EFNA2: variants seen among roughly 807,000 people sequenced by gnomAD.
EFNA2 encodes the protein ephrin-A2.
A neutral mutation model predicts 19.7 loss-of-function variants in EFNA2; 18 were observed. The observed-to-expected ratio is 0.91, with a 90% CI of 0.63 to 1.35. EFNA2 has a LOEUF of 1.35. Among genes scored for constraint, EFNA2 ranks in the 40% most tolerant of loss-of-function variants. The pLI is 0.00. For missense variants in EFNA2, 303 were observed against 296.0 expected (o/e 1.02, Z -0.17); for synonymous variants, 187 against 137.8 (o/e 1.36, Z -2.50).
chr19:1,288,337 G>T (rs2081475628), intron 1 of EFNA2, among the ~76,000 whole-genome samples: 1 of 152,214 alleles, frequency 6.6e-6, no homozygotes, highest in African/African-American at 2.4e-5. Flanking sequence ...GGCACAGCAG[G>T]GGGTGGTGCT....
At position 1,295,948 on chromosome 19, in the gene EFNA2, G is replaced by C; in HGVS notation, c.454+90G>C. On this transcript the variant is annotated intron_variant, in intron 2 of 3. Coordinates refer to ENST00000215368, the MANE Select transcript of EFNA2 (RefSeq NM_001405.4). This position sits in a 1 kb window ranked among gnomAD's most constrained non-coding sequence, Gnocchi z 5.8. ...AAGTGGGCGGGACCACTGGGGTGGG[G>C]CCGGGGAGTGGGCGGGGCAGCGCAG... The C allele has an allele frequency of 4.1e-6, 5 of 1,215,226 alleles. No homozygotes were observed. Among genetic ancestry groups the C allele is most frequent in the Non-Finnish European group, 5.5e-6 (5 of 913,116 alleles). The allele number at this position is 1,215,226 out of a possible 1,614,324, so 75.3% of individuals were successfully genotyped here.
chr19:1,289,332 G>A (rs2081480920), intron 1 of EFNA2, among the ~76,000 whole-genome samples: 4 of 152,300 alleles, frequency 2.6e-5, no homozygotes, highest in Middle Eastern at 3.4e-3. Context: ...TTGTCTGTGC[G>A]TGGAGTGCAG....
At chr19:1,293,365 G>A (rs2081500090) in intron 1 of EFNA2, among the ~76,000 whole-genome samples, 1 of 152,254 alleles carries the variant, frequency 6.6e-6, no homozygotes, top group South Asian at 2.1e-4. Context: ...GCCGGCCAAT[G>A]GGGCAGCCTG....
At chr19:1,299,337 C>A (rs991222173) in intron 3 of EFNA2, among the ~76,000 whole-genome samples, 2 of 152,112 alleles carry the variant, frequency 1.3e-5, no homozygotes, top group South Asian at 4.1e-4. Context: ...GGTGGGTGGA[C>A]CCCAAGGTCA....
In EFNA2 at chr19:1,287,752, G is replaced by A. The variant is rs571192215; in HGVS notation, c.140+1444G>A. ...ACATGTGGGTTTGATTAAGGCTGTCGCTGGCCGTGCGGGGAGTCCAGCGGG... is the reference window on the plus strand; with the variant it reads ...ACATGTGGGTTTGATTAAGGCTGTCACTGGCCGTGCGGGGAGTCCAGCGGG... On this transcript the variant is annotated intron_variant, in intron 1 of 3. Coordinates refer to ENST00000215368, the MANE Select transcript of EFNA2 (RefSeq NM_001405.4). This position sits in a 1 kb window ranked among gnomAD's most constrained non-coding sequence, Gnocchi z 6.2. Among the ~76,000 whole-genome samples the A allele has an allele frequency of 4.6e-5, 7 of 152,252 alleles. No individual in the cohort carries two copies. Among genetic ancestry groups the A allele is most frequent in the Admixed American group, 6.5e-5 (1 of 15,294 alleles).
Position 1,294,429 on chromosome 19 carries a change from C to T in EFNA2, c.141-1116C>T, listed in dbSNP as rs2081504930. Among the ~76,000 whole-genome samples, 1 of 152,106 alleles carries T rather than the reference C, an allele frequency of 6.6e-6. No homozygotes were observed. The highest frequency in any genetic ancestry group is 2.1e-4 in the South Asian group (1 of 4,820). ...GGGCCTGTGGGTTGCGTCTGGGGGA[C>T]CTCAGGGCAAAGGCCTGGAGGCAGG... On this transcript the variant is annotated intron_variant, in intron 1 of 3. Coordinates refer to ENST00000215368, the MANE Select transcript of EFNA2 (RefSeq NM_001405.4). The surrounding 1 kb of genome is among the most constrained non-coding windows in gnomAD (Gnocchi z 5.8).
At chr19:1,284,245 C>T (rs1299900319), upstream of EFNA2, among the ~76,000 whole-genome samples, 1 of 152,238 alleles carries the variant, frequency 6.6e-6, no homozygotes, top group African/African-American at 2.4e-5. This position sits in a 1 kb window ranked among gnomAD's most constrained non-coding sequence, Gnocchi z 5.3. Context: ...CCAAGGCCCT[C>T]ACTCCAGGGG....
intron 1 of EFNA2, among the ~76,000 whole-genome samples, chr19:1,290,378 G>A (rs914539397): frequency 4.6e-5 from 7 of 152,312 alleles, no homozygotes; most frequent in Admixed American, 2.0e-4. Flanking sequence ...CTCCCTGGGC[G>A]GCCTCAGTTT....
At chr19:1,293,552 G>A (rs775221720) in intron 1 of EFNA2, among the ~76,000 whole-genome samples, 1 of 152,320 alleles carries the variant, frequency 6.6e-6, no homozygotes, top group African/African-American at 2.4e-5. Context: ...AAATCCAGAC[G>A]CAAGCCCAGA....
rs535441056 is a variant in EFNA2 at position 1,287,718 on chromosome 19, G to A, written c.140+1410G>A. 1.3e-5 allele frequency among the ~76,000 whole-genome samples: 2 copies of A among 152,366 alleles called. No individual in the cohort carries two copies. Among genetic ancestry groups the A allele is most frequent in the South Asian group, 2.1e-4 (1 of 4,830 alleles). ...AGAGCGGGTCCCCGAGCCGCCCGCT[G>A]TGCTGGTCACATGTGGGTTTGATTA... On this transcript the variant is annotated intron_variant, in intron 1 of 3. Transcript: ENST00000215368. The surrounding 1 kb of genome is among the most constrained non-coding windows in gnomAD (Gnocchi z 6.2).
At chr19:1,290,334 TGG>T (rs1037999786) in intron 1 of EFNA2, among the ~76,000 whole-genome samples, 3 of 152,128 alleles carry the variant, frequency 2.0e-5, no homozygotes, top group Non-Finnish European at 4.4e-5. Context: ...TGGGGTGCCA[TGG>T]GTGGCCCAGG....
At chr19:1,284,275 G>C (rs1002702900), upstream of EFNA2, among the ~76,000 whole-genome samples, 8 of 152,228 alleles carry the variant, frequency 5.3e-5, no homozygotes, top group Non-Finnish European at 1.2e-4. This position sits in a 1 kb window ranked among gnomAD's most constrained non-coding sequence, Gnocchi z 5.3. Context: ...AGCCTGTCCA[G>C]AGGGCCTGCC....
Position 1,296,754 on chromosome 19 carries a change from C to G in EFNA2, c.454+896C>G, listed in dbSNP as rs767838775. Among the ~76,000 whole-genome samples the G allele has an allele frequency of 6.6e-6, 1 of 152,202 alleles. No individual in the cohort carries two copies. The highest frequency in any genetic ancestry group is 1.9e-4 in the East Asian group (1 of 5,190). On this transcript the variant is annotated intron_variant, in intron 2 of 3. Transcript: ENST00000215368. This position sits in a 1 kb window ranked among gnomAD's most constrained non-coding sequence, Gnocchi z 4.4. ...CCCCGCACCCACCCCCGCATCTCCC[C>G]GGGACCCATGCCAGGCTCGGAGACT...
At position 1,300,812 on chromosome 19, in the gene EFNA2, C is replaced by T. The variant is rs578007877; in HGVS notation, c.*867C>T. The stretch of plus-strand genomic sequence containing the variant: ...ATGCAAACAGCCCCCTACCCGTCCC[C>T]CTCGCCTCACACGGTCCCTCTCCGA... On this transcript the variant is annotated 3_prime_UTR_variant, in exon 4 of 4. Coordinates refer to ENST00000215368, the MANE Select transcript of EFNA2 (RefSeq NM_001405.4). Among the ~76,000 whole-genome samples the T allele has an allele frequency of 1.1e-3, 171 of 152,344 alleles. No individual in the cohort carries two copies. The highest frequency in any genetic ancestry group is 3.9e-3 in the African/African-American group (163 of 41,568).
rs886104604 is a variant in EFNA2 at position 1,286,342 on chromosome 19, A to G, written c.140+34A>G. 9.3e-6 allele frequency: 9 copies of G among 969,352 alleles called. No individual in the cohort carries two copies. The highest frequency in any genetic ancestry group is 1.1e-5 in the Non-Finnish European group (9 of 821,144). The allele number at this position is 969,352 out of a possible 1,614,324, so 60.0% of individuals were successfully genotyped here. On this transcript the variant is annotated intron_variant, in intron 1 of 3. Transcript: ENST00000215368. This position sits in a 1 kb window ranked among gnomAD's most constrained non-coding sequence, Gnocchi z 5.6. ...GGCCGCGCGCGGGGGGCGCCCGGGG[A>G]CCCCCCAACGCCCCCCAAGCCGCGC...
chr19:1,284,825 A>T (rs1245002891), upstream of EFNA2, among the ~76,000 whole-genome samples: 6 of 152,240 alleles, frequency 3.9e-5, no homozygotes, highest in African/African-American at 1.4e-4. The surrounding 1 kb of genome is among the most constrained non-coding windows in gnomAD (Gnocchi z 5.3). Flanking sequence ...GGCCTGGTGA[A>T]TGACACTAAT....
intron 1 of EFNA2, among the ~76,000 whole-genome samples, chr19:1,289,283 G>A (rs2081480713): frequency 6.6e-6 from 1 of 152,232 alleles, no homozygotes; most frequent in East Asian, 1.9e-4. Context: ...TGCAGTGTCC[G>A]AGGTCCCTGT....
At position 1,301,040 on chromosome 19, in the gene EFNA2, C is replaced by T. The variant is rs2081540540; in HGVS notation, c.*1095C>T. On this transcript the variant is annotated 3_prime_UTR_variant, in exon 4 of 4. Coordinates refer to ENST00000215368, the MANE Select transcript of EFNA2 (RefSeq NM_001405.4). ...ATAAGCTCGTGTCGTCTGTCAGAGCCCCTCTCTCAACTCTGTGACCTGATA... is the reference window on the plus strand; with the variant it reads ...ATAAGCTCGTGTCGTCTGTCAGAGCTCCTCTCTCAACTCTGTGACCTGATA... 6.6e-6 allele frequency among the ~76,000 whole-genome samples: 1 copy of T among 151,046 alleles called. No individual in the cohort carries two copies. Among genetic ancestry groups the T allele is most frequent in the Admixed American group, 6.6e-5 (1 of 15,160 alleles).
chr19:1,295,989 T>C lies in EFNA2; in HGVS notation c.454+131T>C, dbSNP rs1339822002. ...GGCAGCGCAGTGGGCGGGGCCGCGG[T>C]GTGGGGCCAGGGGGGAGTGGGCGGG... On this transcript the variant is annotated intron_variant, in intron 2 of 3. Transcript: ENST00000215368. The surrounding 1 kb of genome is among the most constrained non-coding windows in gnomAD (Gnocchi z 5.8). The C allele has an allele frequency of 3.7e-6, 1 of 270,638 alleles. No homozygotes were observed. The highest frequency in any genetic ancestry group is 4.6e-6 in the Non-Finnish European group (1 of 215,110). The allele number at this position is 270,638 out of a possible 1,614,324, so 16.8% of individuals were successfully genotyped here.
Sources: gnomAD v4.1 joint callset for allele counts (sites outside exome capture counted in the v4.1 genomes callset) on GRCh38, gnomAD v4.1.1 for gene constraint, Gnocchi (gnomAD v3.1) non-coding constraint, MANE v1.5 for transcripts, NCBI Gene and HGNC (gene_info 2026-07-23, HGNC 2026-07-21) for gene names.